GOLGA4: variants seen among roughly 807,000 people sequenced by gnomAD.
The protein encoded by GOLGA4 is golgin A4, also known as golgin subfamily A member 4.
A neutral mutation model predicts 265.9 loss-of-function variants in GOLGA4; 169 were observed. The observed-to-expected ratio is 0.64, with a 90% confidence interval of 0.56 to 0.72. The LOEUF (loss-of-function observed/expected upper bound fraction) is 0.72, where lower values mean the gene tolerates loss of function less well. Ranked by LOEUF, GOLGA4 falls within the 30% of genes least tolerant of loss-of-function variation. The pLI is 0.00. For synonymous variants in GOLGA4, 923 were observed against 855.8 expected (o/e 1.08, Z -1.37); for missense variants, 2,482 against 2,483.4 (o/e 1.00, Z 0.01).
intron 23 of GOLGA4, among the ~76,000 whole-genome samples, chr3:37,365,827 C>G (rs968144946): frequency 1.6e-5 from 2 of 121,420 alleles, no homozygotes; most frequent in African/African-American, 6.3e-5. Flanking sequence ...AGAATGGGGT[C>G]TTGCTGTGTT....
At position 37,326,158 on chromosome 3, in the gene GOLGA4, G is replaced by C. The variant is rs771061129; in HGVS notation, c.4272G>C (p.Leu1424=). The C allele has an allele frequency of 3.7e-6, 6 of 1,613,390 alleles. No homozygotes were observed. In the Admixed American group the frequency reaches 1.0e-4, roughly 27 times the overall value. Residue 1424 remains leucine (L), a synonymous_variant, in exon 14 of 24, where the codon CTG becomes CTC. Coordinates refer to ENST00000361924, the MANE Select transcript of GOLGA4 (RefSeq NM_002078.5). ...ATTTATCTTTTAAAGTTGACACTCT[G>C]AGTAAAGAGAAAATTTCTGCTCTTG... The part of the protein sequence containing the change: ...VQDLSFKVDT[L]SKEKISALEQ...
intron 17 of GOLGA4, among the ~76,000 whole-genome samples, chr3:37,335,491 G>A (rs1294902959): frequency 6.6e-6 from 1 of 152,128 alleles, no homozygotes; most frequent in Non-Finnish European, 1.5e-5. Context: ...TAACCCTGGA[G>A]CATAGCTAAA....
chr3:37,339,157 C>G (rs192812850), intron 19 of GOLGA4, among the ~76,000 whole-genome samples: 7 of 152,248 alleles, frequency 4.6e-5, no homozygotes, highest in African/African-American at 1.7e-4. Flanking sequence ...CCACCGTGCC[C>G]GGCCTGTGTC....
chr3:37,351,110 C>T (rs940297524), intron 21 of GOLGA4, among the ~76,000 whole-genome samples: 10 of 152,156 alleles, frequency 6.6e-5, no homozygotes, highest in Non-Finnish European at 1.2e-4. Flanking sequence ...GCAGTCAGTT[C>T]TCTGCTGTGG....
chr3:37,275,039 C>T (rs1012134788), intron 2 of GOLGA4, among the ~76,000 whole-genome samples: 3 of 151,402 alleles, frequency 2.0e-5, no homozygotes, highest in Admixed American at 2.0e-4. Flanking sequence ...TGGTGAAACC[C>T]CGTCTCTACT....
At chr3:37,250,666 T>C (rs1578333207) in intron 1 of GOLGA4, 1 of 152,316 alleles carries the variant, frequency 6.6e-6, no homozygotes, top group South Asian at 2.1e-4. Flanking sequence ...TCTATTTTGC[T>C]GTGGGTGTAG....
rs1429974925 is a variant in GOLGA4, at chr3:37,243,496, C to T, written c.-55C>T. The T allele has an allele frequency of 5.2e-5, 80 of 1,525,752 alleles. No individual in the cohort carries two copies. The highest frequency in any genetic ancestry group is 7.1e-5 in the Non-Finnish European group (78 of 1,099,950). The allele number at this position is 1,525,752 out of a possible 1,614,324, so 94.5% of individuals were successfully genotyped here. A position where few individuals can be genotyped will look rare whatever the true frequency, so the allele number is the denominator to read the frequency against. On this transcript the variant is annotated 5_prime_UTR_variant, in exon 1 of 24. Transcript: ENST00000361924. ...CGTAGCCGTCGCGGCCGGGACTCCC[C>T]GGGCTCTCGCCCTTCAGGTTTCGTT...
chr3:37,248,436 CA>C (rs1357322863), intron 1 of GOLGA4, among the ~76,000 whole-genome samples: 3 of 152,204 alleles, frequency 2.0e-5, no homozygotes, highest in Non-Finnish European at 4.4e-5. Flanking sequence ...TGCAATTAAT[CA>C]GCTCAAGTTT....
chr3:37,323,520 T>C (rs2096961138), intron 13 of GOLGA4, 68 bp from the exon 14 acceptor site: 1 of 883,740 alleles, frequency 1.1e-6, no homozygotes, highest in Non-Finnish European at 1.8e-6. Flanking sequence ...GTAGACATCA[T>C]GTCTGTGTAT....
In GOLGA4 at chr3:37,325,362, A is replaced by G. The variant is rs760541515; in HGVS notation, c.3476A>G (p.Glu1159Gly). 7.4e-6 allele frequency: 12 copies of G among 1,613,520 alleles called. No individual in the cohort carries two copies. Among genetic ancestry groups the G allele is most frequent in the Non-Finnish European group, 1.0e-5 (12 of 1,179,622 alleles). ...ENTFLQEQLV[E>G]LKMLAEEDKR... ...ACTTTTCTTCAAGAGCAGCTAGTTG[A>G]ACTGAAGATGCTGGCAGAAGAAGAT... Residue 1159 changes from glutamate (E) to glycine (G), a missense_variant, in exon 14 of 24, where the codon GAA becomes GGA. Physicochemically the swap from Glu to Gly is moderately conservative, Grantham distance 98 (BLOSUM62 -2). Coordinates refer to ENST00000361924, the MANE Select transcript of GOLGA4 (RefSeq NM_002078.5).
chr3:37,295,143 G>T (rs1327839426), intron 6 of GOLGA4, 66 bp downstream of exon 6: 1 of 902,550 alleles, frequency 1.1e-6, no homozygotes. Context: ...GTTTGATTTG[G>T]ATATCTGCAA....
In GOLGA4 at chr3:37,243,602, C is replaced by T. The variant is rs764573278; in HGVS notation, c.52C>T (p.Gln18Ter). The change falls in exon 1 of 24, where the codon CAG (glutamine) becomes TAG (stop). Residue 18 changes from glutamine (Q) to a stop codon, truncating the protein, a stop_gained. Coordinates refer to ENST00000361924, the MANE Select transcript of GOLGA4 (RefSeq NM_002078.5). LOFTEE classifies it high-confidence loss of function. ...KISEEQQQLQ[Q>*]ALAPAQASSN... ...CAGCGAGGAGCAGCAGCAGCTCCAG[C>T]AGGCGCTGGCTCCTGCTCAGGTACG... 7 of 1,613,394 alleles carry T rather than the reference C, an allele frequency of 4.3e-6. No individual in the cohort carries two copies. Among genetic ancestry groups the T allele is most frequent in the Non-Finnish European group, 5.9e-6 (7 of 1,179,668 alleles).
chr3:37,265,238 T>C (rs992934723), intron 2 of GOLGA4, among the ~76,000 whole-genome samples: 25 of 152,124 alleles, frequency 1.6e-4, no homozygotes, highest in Admixed American at 1.3e-4. Context: ...TACATCTAAT[T>C]AATGTTTGTC....
intron 2 of GOLGA4, among the ~76,000 whole-genome samples, chr3:37,278,812 A>AC (rs201951458): frequency 0.021 from 3,022 of 146,416 alleles, 84 homozygotes; most frequent in African/African-American, 0.06. Context: ...CAGTTTGTTT[A>AC]CTTTTTTTTT....
chr3:37,273,447 A>C (rs974135817), intron 2 of GOLGA4: 10 of 681,824 alleles, frequency 1.5e-5, no homozygotes, highest in Admixed American at 2.6e-5. Context: ...TGTATCTGAT[A>C]GGTCTTGGCA....
Position 37,315,463 on chromosome 3 carries a change from A to G in GOLGA4, c.1278A>G (p.Thr426=), listed in dbSNP as rs2096935057. The change falls in exon 11 of 24, where the codon ACA becomes ACG. Residue 426 remains threonine (T), a synonymous_variant. Coordinates refer to ENST00000361924, the MANE Select transcript of GOLGA4 (RefSeq NM_002078.5). ...AAGCTTTGAGTACAGCCCAAAAAAC[A>G]GAGGAAGCACGGAGAAAACTGAAGG... The part of the protein sequence containing the change: ...LEKALSTAQK[T]EEARRKLKAE... The G allele has an allele frequency of 1.2e-6, 2 of 1,613,970 alleles. No homozygotes were observed. The highest frequency in any genetic ancestry group is 1.3e-5 in the African/African-American group (1 of 74,942).
At chr3:37,335,209 T>A in intron 17 of GOLGA4, 43 bp downstream of exon 17, 1 of 1,014,724 alleles carries the variant, frequency 9.9e-7, no homozygotes, top group Non-Finnish European at 1.5e-6. Flanking sequence ...CTTGAAAACA[T>A]TGTCATTTCT....
intron 3 of GOLGA4, among the ~76,000 whole-genome samples, chr3:37,282,912 C>G (rs112128385): frequency 1.3e-5 from 2 of 152,166 alleles, no homozygotes; most frequent in Non-Finnish European, 2.9e-5. Flanking sequence ...TTGTTGCCCT[C>G]CCTCAATTCC....
chr3:37,312,832 G>A (rs992496918), intron 10 of GOLGA4, among the ~76,000 whole-genome samples: 1 of 152,078 alleles, frequency 6.6e-6, no homozygotes, highest in Non-Finnish European at 1.5e-5. Flanking sequence ...CTGGCAATAG[G>A]AATCTTTATA....
Sources: gnomAD v4.1 joint callset for allele counts (sites outside exome capture counted in the v4.1 genomes callset) on GRCh38, gnomAD v4.1.1 for gene constraint, MANE v1.5 for transcripts, NCBI Gene and HGNC (gene_info 2026-07-23, HGNC 2026-07-21) for gene names.